Variants in UBN2 observed in about 807,000 individuals in gnomAD.
The protein encoded by UBN2 is ubinuclein-2.
UBN2 carries 35 observed loss-of-function variants against 120.2 expected under a neutral mutation model. The ratio of observed to expected loss-of-function variants is 0.29; its 90% CI spans 0.22 to 0.39. The LOEUF is 0.39. Ranked by LOEUF, UBN2 falls within the 10% of genes least tolerant of loss-of-function variation. The pLI is 1.00. For missense variants in UBN2, 1,693 were observed against 1,663.2 expected, an observed-to-expected ratio of 1.02 and a Z score of -0.31; for synonymous variants, 661 against 648.7, an observed-to-expected ratio of 1.02 and a Z score of -0.29.
chr7:139,308,285 C>T (rs1398194905), downstream of UBN2: 1 of 152,164 alleles, frequency 6.6e-6, no homozygotes, highest in African/African-American at 2.4e-5. Context: ...TAACATCACA[C>T]TCTCAGCTGT....
chr7:139,287,113 A>C (rs77751107), intron 15 of UBN2, among the ~76,000 whole-genome samples: 8,255 of 152,262 alleles, frequency 0.054, 429 homozygotes, highest in African/African-American at 0.13. Context: ...ATGAAAAAAA[A>C]GGTATATGGA....
chr7:139,314,877 C>T, the UBN2 span, among the ~76,000 whole-genome samples: 3 of 151,878 alleles, frequency 2.0e-5, no homozygotes, highest in African/African-American at 7.3e-5. Flanking sequence ...ATCAGTCTTG[C>T]CATTCTTCCT....
the UBN2 span, among the ~76,000 whole-genome samples, chr7:139,316,106 AAGGG>A: frequency 7.4e-6 from 1 of 135,704 alleles, no homozygotes; most frequent in Non-Finnish European, 1.6e-5. Context: ...AAAAAAAAAA[AAGGG>A]GTTCCAGTTC....
At chr7:139,308,526 G>C (rs1431447907), downstream of UBN2, among the ~76,000 whole-genome samples, 3 of 152,152 alleles carry the variant, frequency 2.0e-5, no homozygotes, top group Admixed American at 6.5e-5. Flanking sequence ...AATGTGGGAA[G>C]ACTCAGTGCA....
intron 12 of UBN2, among the ~76,000 whole-genome samples, chr7:139,278,795 C>T (rs955999508): frequency 6.6e-6 from 1 of 152,122 alleles, no homozygotes; most frequent in African/African-American, 2.4e-5. Flanking sequence ...CTTTGACTTA[C>T]TATGGAACTT....
At chr7:139,314,458 C>G in the UBN2 span, among the ~76,000 whole-genome samples, 47 of 151,046 alleles carry the variant, frequency 3.1e-4, no homozygotes, top group Non-Finnish European at 4.9e-4. Context: ...AACTCCATCT[C>G]AAAAAAAGAA....
intron 15 of UBN2, among the ~76,000 whole-genome samples, chr7:139,291,490 A>G (rs1288096174): frequency 6.6e-6 from 1 of 152,134 alleles, no homozygotes; most frequent in East Asian, 1.9e-4. Context: ...GACAGAAACT[A>G]TAATAGATAA....
At chr7:139,294,975 C>G (rs1367774863) in intron 17 of UBN2, among the ~76,000 whole-genome samples, 1 of 152,198 alleles carries the variant, frequency 6.6e-6, no homozygotes, top group Non-Finnish European at 1.5e-5. Flanking sequence ...TCGTTTTCCC[C>G]AGCAGTCTAC....
chr7:139,324,248 G>C, the UBN2 span, among the ~76,000 whole-genome samples: 1 of 152,144 alleles, frequency 6.6e-6, no homozygotes, highest in Non-Finnish European at 1.5e-5. Flanking sequence ...TTGTTTTTAA[G>C]CTTTAATGAG....
At chr7:139,295,837 C>G (rs1798094288) in intron 17 of UBN2, among the ~76,000 whole-genome samples, 1 of 152,168 alleles carries the variant, frequency 6.6e-6, no homozygotes, top group Non-Finnish European at 1.5e-5. Flanking sequence ...GGGAGGATCA[C>G]CTACACCTGG....
chr7:139,239,693 G>A (rs1436952671), intron 2 of UBN2, among the ~76,000 whole-genome samples: 1 of 151,826 alleles, frequency 6.6e-6, no homozygotes, highest in Non-Finnish European at 1.5e-5. Context: ...AAGTAGCTGG[G>A]ACTGCAGGCA....
intron 17 of UBN2, among the ~76,000 whole-genome samples, chr7:139,294,686 C>CA (rs1349672832): frequency 6.6e-6 from 1 of 152,110 alleles, no homozygotes; most frequent in Non-Finnish European, 1.5e-5. Context: ...ATTAAAAATA[C>CA]AAAAGTTAGC....
intron 17 of UBN2, among the ~76,000 whole-genome samples, chr7:139,297,318 G>A (rs1050427820): frequency 6.6e-6 from 1 of 151,552 alleles, no homozygotes; most frequent in Non-Finnish European, 1.5e-5. Context: ...AGTTTGCTAC[G>A]TTTGTTTACA....
At position 139,299,462 on chromosome 7, in the gene UBN2, A is replaced by G. The variant is rs1371770484; in HGVS notation, c.*1626A>G. On this transcript the variant is annotated 3_prime_UTR_variant, in exon 18 of 18. Coordinates refer to ENST00000473989, the MANE Select transcript of UBN2 (RefSeq NM_173569.4). ...TACAGGACTGTGAATAAATAACCAC[A>G]GATCGGTTCAGATCTGTATGCCTAT... is the stretch of plus-strand genomic sequence containing the variant. 1 of 152,184 alleles carries G rather than the reference A, an allele frequency of 6.6e-6. No homozygotes were observed. The highest frequency in any genetic ancestry group is 1.5e-5 in the Non-Finnish European group (1 of 68,020). 9.4% of individuals were successfully genotyped at this position (152,184 alleles called of 1,614,324 possible). A position where few individuals can be genotyped will look rare whatever the true frequency, so the allele number is the denominator to read the frequency against.
the UBN2 span, among the ~76,000 whole-genome samples, chr7:139,313,828 T>C: frequency 2.0e-5 from 3 of 151,760 alleles, no homozygotes; most frequent in Non-Finnish European, 4.4e-5. Context: ...ATAATACCTA[T>C]ATATGATCAA....
rs540797376 is a variant in UBN2 at position 139,266,241 on chromosome 7, A to G, written c.1396-92A>G. On this transcript the variant is annotated intron_variant, in intron 6 of 17. Transcript: ENST00000473989. ...GGCCCTATCTCAAAAAAAAAAAAAAAAAAAGAAAAAAACCTTTGAACACGT... is the reference window on the plus strand; with the variant it reads ...GGCCCTATCTCAAAAAAAAAAAAAAGAAAAGAAAAAAACCTTTGAACACGT... 146 of 836,422 alleles carry G rather than the reference A, an allele frequency of 1.7e-4. 2 individuals carry two copies. Among genetic ancestry groups the G allele is most frequent in the African/African-American group, 6.2e-4 (35 of 56,704 alleles). 51.8% of individuals were successfully genotyped at this position (836,422 alleles called of 1,614,324 possible). A position where few individuals can be genotyped will look rare whatever the true frequency, so the allele number is the denominator to read the frequency against.
intron 3 of UBN2, 79 bp from the exon 4 acceptor site, chr7:139,258,409 A>G (rs1252241485): frequency 2.6e-6 from 3 of 1,175,106 alleles, no homozygotes; most frequent in South Asian, 5.1e-5. Flanking sequence ...AGATGCTGCC[A>G]TGGTGGATGA....
chr7:139,313,731 T>G, the UBN2 span, among the ~76,000 whole-genome samples: 1 of 152,156 alleles, frequency 6.6e-6, no homozygotes, highest in Non-Finnish European at 1.5e-5. Context: ...TGGTATATAG[T>G]TTTTATGAAC....
chr7:139,241,258 AAGATC>A (rs1350197003), intron 2 of UBN2, among the ~76,000 whole-genome samples: 4 of 152,198 alleles, frequency 2.6e-5, no homozygotes, highest in African/African-American at 9.6e-5. Flanking sequence ...GCCGTTCTGA[AAGATC>A]ATACTGTCCT....
Sources: allele counts gnomAD v4.1 joint callset (sites outside exome capture counted in the v4.1 genomes callset), GRCh38; gene constraint gnomAD v4.1.1; transcripts MANE v1.5; gene names NCBI Gene and HGNC (gene_info 2026-07-23, HGNC 2026-07-21).